The following SOX5 variants were observed in gnomAD, a reference collection of about 807,000 sequenced individuals.
The protein encoded by SOX5 is SRY-box transcription factor 5.
In SOX5, 9 loss-of-function variants were observed where a neutral mutation model predicts 92.0. The ratio of observed to expected loss-of-function variants is 0.10; its 90% CI spans 0.06 to 0.17. SOX5 has a LOEUF of 0.17. SOX5 is among the 10% of genes least tolerant of loss of function. The pLI is 1.00. For missense variants in SOX5, 642 were observed against 944.5 expected (o/e 0.68, Z 4.20); for synonymous variants, 344 against 336.3 (o/e 1.02, Z -0.25).
At chr12:24,076,070 T>G (rs980336632) in intron 4 of SOX5, among the ~76,000 whole-genome samples, 1 of 152,200 alleles carries the variant, frequency 6.6e-6, no homozygotes, top group African/African-American at 2.4e-5. Context: ...AAATCCAGCC[T>G]GTAGAATGAG....
At chr12:23,567,623 C>G (rs1209280166) in intron 10 of SOX5, among the ~76,000 whole-genome samples, 2 of 151,718 alleles carry the variant, frequency 1.3e-5, no homozygotes, top group Admixed American at 6.6e-5. Context: ...CCCCCAGTTA[C>G]TTTTTAAGTT....
rs546865013 is a variant in SOX5, at chr12:23,823,857, A to G, written c.481+22126T>C. On this transcript the variant is annotated intron_variant, in intron 3 of 14. Coordinates refer to ENST00000451604, the MANE Select transcript of SOX5 (RefSeq NM_006940.6). ...TAATCTTGTCTTCATGCTTTATTTCATTAAGTTGATCTTCAATCTCTGATA... is the reference window on the plus strand; with the variant it reads ...TAATCTTGTCTTCATGCTTTATTTCGTTAAGTTGATCTTCAATCTCTGATA... Among the ~76,000 whole-genome samples, 6 of 152,086 alleles carry G rather than the reference A, an allele frequency of 3.9e-5. No homozygotes were observed. In the East Asian group the frequency reaches 1.2e-3, roughly 29 times the overall value.
At chr12:24,370,199 G>C (rs529181548) in intron 1 of SOX5, among the ~76,000 whole-genome samples, 6 of 152,278 alleles carry the variant, frequency 3.9e-5, no homozygotes, top group African/African-American at 1.4e-4. Context: ...TTTTGGCCGT[G>C]CGCGGTGGCT....
chr12:23,836,429 A>G (rs2096415241), intron 3 of SOX5, among the ~76,000 whole-genome samples: 1 of 152,012 alleles, frequency 6.6e-6, no homozygotes, highest in Non-Finnish European at 1.5e-5. Context: ...ATATATCAAT[A>G]TATTATTCTC....
chr12:23,710,948 T>C (rs1239957562), intron 6 of SOX5, among the ~76,000 whole-genome samples: 1 of 152,342 alleles, frequency 6.6e-6, no homozygotes, highest in East Asian at 1.9e-4. Flanking sequence ...TGGTGTGAGA[T>C]GGTATCTAAT....
At chr12:24,323,770 G>T (rs1950423478) in intron 2 of SOX5, among the ~76,000 whole-genome samples, 1 of 152,100 alleles carries the variant, frequency 6.6e-6, no homozygotes, top group Non-Finnish European at 1.5e-5. Context: ...GTAATGCAGG[G>T]ATTGTACCTA....
In SOX5 at chr12:23,851,383, G is replaced by A. The variant is rs544844076; in HGVS notation, c.271-5190C>T. Among the ~76,000 whole-genome samples, 155 of 152,174 alleles carry A rather than the reference G, an allele frequency of 1.0e-3. 1 individual carries two copies. Among genetic ancestry groups the A allele is most frequent in the African/African-American group, 3.6e-3 (149 of 41,538 alleles). On this transcript the variant is annotated intron_variant, in intron 2 of 14. Transcript: ENST00000451604. ...ATCAGCTCAATTTTCCAATATTAATGTTCCTAAAAATGAGATGTAAATATA... is the reference window on the plus strand; with the variant it reads ...ATCAGCTCAATTTTCCAATATTAATATTCCTAAAAATGAGATGTAAATATA...
rs1565873631 is a variant in SOX5, at chr12:24,307,448, GGAAAGGAAGGAAGGAA to G, written c.-173-30152_-173-30137del. Among the ~76,000 whole-genome samples the G allele has an allele frequency of 1.2e-4, 17 of 140,150 alleles. No individual in the cohort carries two copies. The South Asian group carries it at 4.0e-3, about 33-fold the overall frequency. The allele number at this position is 140,150 out of a possible 152,430, so 91.9% of individuals were successfully genotyped here. ...CTTTCTCATTTAGTACTGTATAGCT[GGAAAGGAAGGAAGGAA>G]GGAAGGAAGGAAGGAAGGAAGGAAG... On this transcript the variant is annotated intron_variant, in intron 2 of 4. Coordinates refer to the SOX5 transcript ENST00000446891.
chr12:23,568,206 G>A (rs530599662), intron 10 of SOX5, among the ~76,000 whole-genome samples: 34 of 152,292 alleles, frequency 2.2e-4, no homozygotes, highest in Admixed American at 7.2e-4. Context: ...TATGCAGGCA[G>A]AGATTGGAGT....
At chr12:23,705,598 C>T (rs1374539994) in intron 6 of SOX5, among the ~76,000 whole-genome samples, 2 of 152,012 alleles carry the variant, frequency 1.3e-5, no homozygotes, top group Non-Finnish European at 2.9e-5. Context: ...TGGGCTGCTG[C>T]TCTTTTTGTA....
At chr12:23,759,947 A>T (rs2094518544) in intron 3 of SOX5, among the ~76,000 whole-genome samples, 1 of 151,892 alleles carries the variant, frequency 6.6e-6, no homozygotes, top group East Asian at 1.9e-4. Context: ...AATTTTTTTT[A>T]AATTTTTGTG....
At chr12:23,766,570 T>C (rs1480989394) in intron 3 of SOX5, among the ~76,000 whole-genome samples, 4 of 152,098 alleles carry the variant, frequency 2.6e-5, no homozygotes, top group East Asian at 3.9e-4. Flanking sequence ...GATAAAAGCA[T>C]CATAACAAAT....
At chr12:23,547,727 A>C (rs982461225) in intron 11 of SOX5, among the ~76,000 whole-genome samples, 1 of 152,152 alleles carries the variant, frequency 6.6e-6, no homozygotes, top group Non-Finnish European at 1.5e-5. Context: ...ATCAGTATAA[A>C]ATACAGTAGA....
chr12:24,027,336 C>T (rs1239773575), intron 4 of SOX5, among the ~76,000 whole-genome samples: 1 of 151,990 alleles, frequency 6.6e-6, no homozygotes, highest in African/African-American at 2.4e-5. Flanking sequence ...TATTCTACTG[C>T]CTTTCACATC....
intron 3 of SOX5, among the ~76,000 whole-genome samples, chr12:23,787,945 A>T (rs2095409873): frequency 8.5e-6 from 1 of 117,222 alleles, no homozygotes; most frequent in East Asian, 6.1e-4. Context: ...AAGTAACAGG[A>T]TCTGAGCAAA....
chr12:24,188,371 A>T (rs1408879569), intron 4 of SOX5, among the ~76,000 whole-genome samples: 1 of 152,180 alleles, frequency 6.6e-6, no homozygotes, highest in Non-Finnish European at 1.5e-5. Context: ...TTATAATAGC[A>T]AATGATATAT....
At position 23,996,903 on chromosome 12, in the gene SOX5, G is replaced by A. The variant is rs535081775; in HGVS notation, c.-1-100879C>T. ...AACTATTTCGGAACTACACAGAAGT[G>A]ATTGTACAACACTGTGAATGACTAT... On this transcript the variant is annotated intron_variant, in intron 4 of 4. Coordinates refer to the SOX5 transcript ENST00000446891. Among the ~76,000 whole-genome samples, 230 of 152,302 alleles carry A rather than the reference G, an allele frequency of 1.5e-3. 1 individual carries two copies. Among genetic ancestry groups the A allele is most frequent in the African/African-American group, 5.2e-3 (217 of 41,578 alleles).
intron 2 of SOX5, among the ~76,000 whole-genome samples, chr12:24,322,198 GA>G (rs1210239605): frequency 6.6e-6 from 1 of 152,022 alleles, no homozygotes; most frequent in Non-Finnish European, 1.5e-5. Context: ...TTCATGACAT[GA>G]AAAAAATCAA....
chr12:23,859,807 C>T (rs886214671), intron 2 of SOX5, among the ~76,000 whole-genome samples: 9 of 151,920 alleles, frequency 5.9e-5, no homozygotes, highest in South Asian at 2.1e-4. Context: ...TCAGACCGGC[C>T]GACACTTAGG....
Sources: gnomAD v4.1 joint callset for allele counts (sites outside exome capture counted in the v4.1 genomes callset) on GRCh38, gnomAD v4.1.1 for gene constraint, MANE v1.5 for transcripts, NCBI Gene and HGNC (gene_info 2026-07-23, HGNC 2026-07-21) for gene names.